RORA: variants seen among roughly 807,000 people sequenced by gnomAD.
The protein encoded by RORA is RAR related orphan receptor A, also known as nuclear receptor ROR-alpha.
Under a neutral mutation model 69.5 loss-of-function variants are expected in RORA, and 7 were observed. The ratio of observed to expected loss-of-function variants is 0.10; its 90% CI spans 0.06 to 0.19. The LOEUF is 0.19. Ranked by LOEUF, RORA falls within the 10% of genes least tolerant of loss-of-function variation. RORA has a pLI of 1.00. For missense variants in RORA, 457 were observed against 663.0 expected, an observed-to-expected ratio of 0.69 and a Z score of 3.41; for synonymous variants, 261 against 240.8, an observed-to-expected ratio of 1.08 and a Z score of -0.78.
At chr15:60,777,510 T>A (rs944168376) in intron 1 of RORA, among the ~76,000 whole-genome samples, 13 of 152,198 alleles carry the variant, frequency 8.5e-5, no homozygotes, top group African/African-American at 3.1e-4. Context: ...AATGGCATAA[T>A]CTTACCTAGT....
At chr15:60,637,542 C>T (rs2069863182) in intron 2 of RORA, among the ~76,000 whole-genome samples, 1 of 151,722 alleles carries the variant, frequency 6.6e-6, no homozygotes, top group Non-Finnish European at 1.5e-5. Context: ...AATACATTCT[C>T]GTTATTTAAT....
At chr15:61,030,282 G>T (rs896440004) in intron 1 of RORA, among the ~76,000 whole-genome samples, 1 of 152,068 alleles carries the variant, frequency 6.6e-6, no homozygotes, top group Non-Finnish European at 1.5e-5. Context: ...GGATTTGAAG[G>T]TTATAATGTA....
intron 2 of RORA, among the ~76,000 whole-genome samples, chr15:60,540,277 C>G (rs1337468135): frequency 6.6e-6 from 1 of 152,172 alleles, no homozygotes; most frequent in African/African-American, 2.4e-5. Flanking sequence ...GGGGTCAACT[C>G]TTTGCTTTCA....
intron 1 of RORA, among the ~76,000 whole-genome samples, chr15:61,101,040 T>G (rs1204699013): frequency 6.6e-6 from 1 of 152,234 alleles, no homozygotes; most frequent in African/African-American, 2.4e-5. Context: ...TTGCACATAT[T>G]AACTGCTCAT....
At chr15:60,558,250 T>C in intron 2 of RORA, 1 of 1,611,932 alleles carries the variant, frequency 6.2e-7, no homozygotes, top group South Asian at 1.1e-5. Context: ...AACAAAAGCA[T>C]CACCTGAAGA....
chr15:60,528,389 T>C (rs1053998319), intron 3 of RORA: 2 of 152,196 alleles, frequency 1.3e-5, no homozygotes, highest in African/African-American at 2.4e-5. Flanking sequence ...ATGTATATCA[T>C]AGATTGTGGC....
chr15:61,032,322 C>T (rs886792975), intron 1 of RORA, among the ~76,000 whole-genome samples: 7 of 152,158 alleles, frequency 4.6e-5, no homozygotes, highest in Non-Finnish European at 1.0e-4. Context: ...GGTATATCTC[C>T]CCCAATACAC....
chr15:60,823,017 C>T (rs1013639195), intron 1 of RORA, among the ~76,000 whole-genome samples: 2 of 150,204 alleles, frequency 1.3e-5, no homozygotes, highest in African/African-American at 2.5e-5. Flanking sequence ...TTTCTTCCCT[C>T]CCCTTTCCTT....
chr15:60,968,990 C>T lies in RORA; in HGVS notation c.166+260063G>A, dbSNP rs76832956. Among the ~76,000 whole-genome samples, 7 of 152,316 alleles carry T rather than the reference C, an allele frequency of 4.6e-5. No individual in the cohort carries two copies. The East Asian group carries it at 1.4e-3, about 29-fold the overall frequency. On this transcript the variant is annotated intron_variant, in intron 1 of 10. Coordinates refer to ENST00000335670, the MANE Select transcript of RORA (RefSeq NM_134261.3). ...CTTAACACTTTTGAAGATTACAAGA[C>T]TGTTATTTTAAAATACGTCCCTCAA... is the stretch of plus-strand genomic sequence containing the variant.
intron 1 of RORA, among the ~76,000 whole-genome samples, chr15:61,040,055 T>C (rs371142115): frequency 1.4e-5 from 2 of 139,862 alleles, no homozygotes; most frequent in East Asian, 4.3e-4. Context: ...ACTTCGTAAA[T>C]TGTGTGTATC....
intron 2 of RORA, among the ~76,000 whole-genome samples, chr15:60,575,497 C>T (rs142604047): frequency 5.2e-4 from 79 of 151,932 alleles, no homozygotes; most frequent in African/African-American, 1.8e-3. Context: ...ATTCCAAAGT[C>T]GAGTCTAGAG....
rs556745595 is a variant in RORA, at chr15:61,010,496, T to C, written c.166+218557A>G. Among the ~76,000 whole-genome samples, 4 of 152,290 alleles carry C rather than the reference T, an allele frequency of 2.6e-5. No homozygotes were observed. The East Asian group carries it at 7.7e-4, about 29-fold the overall frequency. Reference sequence around the variant, plus strand: ...ACTCTCTATCGAAGAAACAAAAGGCTGAGAGATCGATCACCTGGTCTGGCC... The same window carrying C: ...ACTCTCTATCGAAGAAACAAAAGGCCGAGAGATCGATCACCTGGTCTGGCC... On this transcript the variant is annotated intron_variant, in intron 1 of 10. Coordinates refer to ENST00000335670, the MANE Select transcript of RORA (RefSeq NM_134261.3).
chr15:60,875,593 C>G (rs117235275), intron 1 of RORA, among the ~76,000 whole-genome samples: 2 of 152,266 alleles, frequency 1.3e-5, no homozygotes, highest in Non-Finnish European at 2.9e-5. Flanking sequence ...CCAGGGAATT[C>G]TAGAGCTGGG....
chr15:60,834,950 C>T (rs1014020668), intron 1 of RORA, among the ~76,000 whole-genome samples: 2 of 151,754 alleles, frequency 1.3e-5, no homozygotes, highest in Non-Finnish European at 2.9e-5. Context: ...GAATAGGAGT[C>T]GACAAGCTCG....
intron 2 of RORA, chr15:60,558,396 T>C (rs1317925359): frequency 8.0e-6 from 6 of 752,216 alleles, no homozygotes; most frequent in Admixed American, 4.6e-5. Flanking sequence ...AACAGGAACA[T>C]CTCATGACTT....
chr15:60,926,424 G>T (rs2140495070), intron 1 of RORA, among the ~76,000 whole-genome samples: 1 of 152,340 alleles, frequency 6.6e-6, no homozygotes, highest in South Asian at 2.1e-4. Context: ...GAGTCACTGG[G>T]TAGATTATAG....
At chr15:60,617,659 C>CAGAGAGAGAG (rs10594406) in intron 2 of RORA, among the ~76,000 whole-genome samples, 750 of 141,496 alleles carry the variant, frequency 5.3e-3, no homozygotes, top group East Asian at 0.019. Flanking sequence ...CACATACAGA[C>CAGAGAGAGAG]AGAGAGAGAG....
intron 1 of RORA, among the ~76,000 whole-genome samples, chr15:60,762,561 G>A (rs544660624): frequency 7.3e-5 from 11 of 151,512 alleles, no homozygotes; most frequent in South Asian, 2.1e-4. Flanking sequence ...ACACACCCAC[G>A]CACACACACA....
chr15:60,570,011 T>C (rs1042192843), intron 2 of RORA, among the ~76,000 whole-genome samples: 2 of 151,838 alleles, frequency 1.3e-5, no homozygotes, highest in East Asian at 1.9e-4. Context: ...ATTAAAAGGA[T>C]AGGAAAAACG....
Sources: allele counts gnomAD v4.1 joint callset (sites outside exome capture counted in the v4.1 genomes callset), GRCh38; gene constraint gnomAD v4.1.1; transcripts MANE v1.5; gene names NCBI Gene and HGNC (gene_info 2026-07-23, HGNC 2026-07-21).